ABCA13: variants seen among roughly 807,000 people sequenced by gnomAD.
ABCA13 encodes ATP-binding cassette sub-family A member 13.
A neutral mutation model predicts 478.7 loss-of-function variants in ABCA13; 476 were observed. That is an observed-to-expected ratio of 0.99 (90% CI 0.92 to 1.07). ABCA13 has a LOEUF of 1.07. ABCA13 is among the 50% of genes least tolerant of loss of function. The pLI is 0.00. For synonymous variants in ABCA13, 2,252 were observed against 2,158.9 expected, an observed-to-expected ratio of 1.04 and a Z score of -1.20; for missense variants, 6,060 against 5,910.6, an observed-to-expected ratio of 1.03 and a Z score of -0.83.
chr7:48,478,942 T>C (rs1828443789), intron 45 of ABCA13, among the ~76,000 whole-genome samples: 1 of 139,742 alleles, frequency 7.2e-6, no homozygotes, highest in Non-Finnish European at 1.6e-5. Flanking sequence ...ATACTTAAAA[T>C]CTACTCTTTT....
chr7:48,602,759 G>C (rs377371672), intron 58 of ABCA13, among the ~76,000 whole-genome samples: 1 of 151,262 alleles, frequency 6.6e-6, no homozygotes, highest in East Asian at 1.9e-4. Flanking sequence ...TTCCAATTCT[G>C]TGAAGAAAGT....
intron 5 of ABCA13, among the ~76,000 whole-genome samples, chr7:48,225,823 G>A (rs1788130140): frequency 6.6e-6 from 1 of 152,218 alleles, no homozygotes. Context: ...TGCTCTTGAG[G>A]GGTGGGAGAG....
At chr7:48,610,681 G>A (rs1367387402) in intron 58 of ABCA13, among the ~76,000 whole-genome samples, 2 of 152,208 alleles carry the variant, frequency 1.3e-5, no homozygotes, top group African/African-American at 2.4e-5. Flanking sequence ...TGAAATCTAG[G>A]TGGAGGCTCC....
At chr7:48,294,937 TATTC>T (rs1162428612) in intron 20 of ABCA13, among the ~76,000 whole-genome samples, 5 of 152,258 alleles carry the variant, frequency 3.3e-5, no homozygotes, top group African/African-American at 1.2e-4. Context: ...ACATTTTCTC[TATTC>T]ATTCATCTCT....
chr7:48,376,635 C>A, intron 35 of ABCA13, 63 bp downstream of exon 35: 1 of 1,494,782 alleles, frequency 6.7e-7, no homozygotes, highest in Non-Finnish European at 9.2e-7. Flanking sequence ...AATTAATATG[C>A]ATAAATATTA....
chr7:48,365,282 ATTTG>A (rs1450350709), intron 31 of ABCA13, among the ~76,000 whole-genome samples: 2 of 151,858 alleles, frequency 1.3e-5, no homozygotes, highest in African/African-American at 2.4e-5. Flanking sequence ...TTGCTATTGT[ATTTG>A]TTTGAGTTTC....
At chr7:48,393,957 C>T (rs1211239381) in intron 38 of ABCA13, among the ~76,000 whole-genome samples, 6 of 152,310 alleles carry the variant, frequency 3.9e-5, no homozygotes, top group Admixed American at 3.9e-4. Context: ...ACCCTTTCCT[C>T]CAGCCCCTTT....
At position 48,376,590 on chromosome 7, in the gene ABCA13, T is replaced by C. The variant is rs1408303977; in HGVS notation, c.11335+18T>C. ...GATTCCTGGTAAGAATTTTGCCTTT[T>C]GTAAGATAACACAATAAATTTTAAA... On this transcript the variant is annotated intron_variant, in intron 35 of 61. Coordinates refer to ENST00000435803, the MANE Select transcript of ABCA13 (RefSeq NM_152701.5). The C allele has an allele frequency of 1.9e-6, 3 of 1,612,366 alleles. No individual in the cohort carries two copies. Among genetic ancestry groups the C allele is most frequent in the East Asian group, 2.2e-5 (1 of 44,844 alleles).
intron 53 of ABCA13, 81 bp from the exon 54 acceptor site, chr7:48,524,167 A>G (rs1466503963): frequency 7.4e-7 from 1 of 1,351,116 alleles, no homozygotes. Flanking sequence ...ATTTTTTACA[A>G]ATCTCTGACC....
At chr7:48,176,527 T>G (rs1480862536) in intron 1 of ABCA13, among the ~76,000 whole-genome samples, 1 of 152,192 alleles carries the variant, frequency 6.6e-6, no homozygotes, top group Non-Finnish European at 1.5e-5. Context: ...AAGGCCACAG[T>G]GATAAAATGC....
intron 19 of ABCA13, among the ~76,000 whole-genome samples, chr7:48,282,499 G>A (rs1002311948): frequency 6.6e-6 from 1 of 152,106 alleles, no homozygotes; most frequent in African/African-American, 2.4e-5. Flanking sequence ...GAGGCGAGGA[G>A]AAATGGGGAA....
At chr7:48,645,364 G>A in intron 61 of ABCA13, 53 bp from the exon 62 acceptor site, 2 of 1,414,622 alleles carry the variant, frequency 1.4e-6, no homozygotes, top group Non-Finnish European at 1.9e-6. Flanking sequence ...TAATAAGTGA[G>A]ACCAAAGGGT....
intron 60 of ABCA13, 146 bp from the exon 61 acceptor site, chr7:48,644,471 A>C (rs1795305149): frequency 2.3e-6 from 2 of 858,390 alleles, no homozygotes; most frequent in Admixed American, 5.8e-5. Flanking sequence ...AATTGTCATC[A>C]ATAAGCATTC....
At chr7:48,569,458 A>G (rs2131310683) in intron 55 of ABCA13, among the ~76,000 whole-genome samples, 1 of 152,244 alleles carries the variant, frequency 6.6e-6, no homozygotes, top group East Asian at 1.9e-4. Context: ...ATTTTAGTCC[A>G]TTGTAGTCAA....
At chr7:48,645,059 G>T (rs919838629) in intron 61 of ABCA13, among the ~76,000 whole-genome samples, 1 of 152,106 alleles carries the variant, frequency 6.6e-6, no homozygotes, top group South Asian at 2.1e-4. Context: ...AGACTTTTCG[G>T]GGGGGCTTCA....
chr7:48,235,181 G>T (rs978399545), intron 8 of ABCA13, among the ~76,000 whole-genome samples: 1 of 152,100 alleles, frequency 6.6e-6, no homozygotes, highest in Non-Finnish European at 1.5e-5. Flanking sequence ...TGTGCTTCTT[G>T]TATCCCTGGC....
At chr7:48,176,966 G>T (rs1485893153) in intron 1 of ABCA13, among the ~76,000 whole-genome samples, 1 of 152,100 alleles carries the variant, frequency 6.6e-6, no homozygotes, top group Non-Finnish European at 1.5e-5. Flanking sequence ...ATTTCTTTGA[G>T]ATTTTTGTCT....
At chr7:48,506,263 T>C (rs1265059805) in intron 48 of ABCA13, 73 bp from the exon 49 acceptor site, 1 of 1,497,300 alleles carries the variant, frequency 6.7e-7, no homozygotes, top group East Asian at 2.3e-5. Context: ...GGAATCTGCG[T>C]AGCCTGTAGA....
intron 3 of ABCA13, among the ~76,000 whole-genome samples, chr7:48,203,287 C>G (rs10240647): frequency 0.21 from 32,225 of 152,140 alleles, 4,067 homozygotes; most frequent in African/African-American, 0.34. Context: ...GGTTCCCGCT[C>G]GCGCCTCTCC....
Sources: gnomAD v4.1 joint callset for allele counts (sites outside exome capture counted in the v4.1 genomes callset) on GRCh38, gnomAD v4.1.1 for gene constraint, MANE v1.5 for transcripts, NCBI Gene and HGNC (gene_info 2026-07-23, HGNC 2026-07-21) for gene names.